FNTB: variants seen among roughly 807,000 people sequenced by gnomAD.
FNTB encodes farnesyltransferase, CAAX box, subunit beta.
In FNTB, 27 loss-of-function variants were observed where a neutral mutation model predicts 59.4. The observed-to-expected ratio is 0.45, with a 90% confidence interval of 0.34 to 0.63. The LOEUF (loss-of-function observed/expected upper bound fraction) is 0.63. Among genes scored for constraint, FNTB ranks in the 20% least tolerant of loss-of-function variants. The pLI is 0.02. For synonymous variants in FNTB, 230 were observed against 220.7 expected (o/e 1.04, Z -0.37); for missense variants, 449 against 559.6 (o/e 0.80, Z 1.99).
chr14:64,989,663 GCTGTGAGTCGT>G (rs1312056953), intron 1 of FNTB, among the ~76,000 whole-genome samples: 2 of 152,180 alleles, frequency 1.3e-5, no homozygotes, highest in African/African-American at 4.8e-5. Context: ...GGAGTCCTTA[GCTGTGAGTCGT>G]CTGTTCCATT....
At chr14:65,034,971 T>C (rs1277026475) in intron 7 of FNTB, among the ~76,000 whole-genome samples, 1 of 152,246 alleles carries the variant, frequency 6.6e-6, no homozygotes, top group Non-Finnish European at 1.5e-5. Context: ...AGACTCAAGC[T>C]ACAAACTGTC....
intron 4 of FNTB, among the ~76,000 whole-genome samples, chr14:65,020,733 C>CTT (rs71123901): frequency 0.23 from 28,485 of 123,202 alleles, 3,861 homozygotes; most frequent in Non-Finnish European, 0.29. Flanking sequence ...CGCGCCCGGC[C>CTT]TTTTTTTTTT....
chr14:65,020,446 T>G (rs1056806739), intron 4 of FNTB, among the ~76,000 whole-genome samples: 3 of 152,012 alleles, frequency 2.0e-5, no homozygotes, highest in Non-Finnish European at 2.9e-5. Context: ...TCTTTTTTTT[T>G]TGAGAGTCTC....
intron 2 of FNTB, among the ~76,000 whole-genome samples, chr14:65,008,993 G>GCA (rs1324867725): frequency 3.9e-5 from 6 of 152,110 alleles, no homozygotes; most frequent in African/African-American, 1.4e-4. Context: ...ATCCCACCCT[G>GCA]CACCCCCTCA....
At chr14:65,050,725 G>T (rs980563569) in intron 9 of FNTB, among the ~76,000 whole-genome samples, 1 of 152,174 alleles carries the variant, frequency 6.6e-6, no homozygotes, top group Non-Finnish European at 1.5e-5. Flanking sequence ...CTGCAGAGCA[G>T]GGCTACTCCA....
rs745937275 is a variant in FNTB at position 65,012,387 on chromosome 14, G to A, written c.280G>A (p.Glu94Lys). The change falls in exon 3 of 12, where the codon GAG (glutamate) becomes AAG (lysine). Residue 94 changes from glutamate to lysine, a missense_variant and splice_region_variant. By Grantham distance (56) the Glu-to-Lys change is moderately conservative. Around this residue, in one of 2 missense-constraint regions of FNTB, gnomAD observed 337 missense variants for 479.1 expected, o/e 0.70. Coordinates refer to ENST00000246166, the MANE Select transcript of FNTB (RefSeq NM_002028.4). The surrounding 1 kb of genome is among the most constrained non-coding windows in gnomAD (Gnocchi z 5.0). Reference sequence around the variant, plus strand: ...CCTTCGACAACTGACAGATGCCTATGAGGTAAACACATTACCCAGGAACTC... The same window carrying A: ...CCTTCGACAACTGACAGATGCCTATAAGGTAAACACATTACCCAGGAACTC... ...RGLRQLTDAY[E>K]CLDASRPWLC... 3 of 1,614,094 alleles carry A rather than the reference G, an allele frequency of 1.9e-6. No individual in the cohort carries two copies. Among genetic ancestry groups the A allele is most frequent in the Admixed American group, 3.3e-5 (2 of 60,030 alleles).
At position 64,994,037 on chromosome 14, in the gene FNTB, T is replaced by G. The variant is rs916405357; in HGVS notation, c.144+6940T>G. Among the ~76,000 whole-genome samples the G allele has an allele frequency of 7.2e-5, 11 of 152,030 alleles. No individual in the cohort carries two copies. Among genetic ancestry groups the G allele is most frequent in the Non-Finnish European group, 1.2e-4 (8 of 68,008 alleles). The stretch of plus-strand genomic sequence containing the variant: ...CACCCGGCTAATTTTTGTATTTTAG[T>G]AGAGGTGGGGTTTTACCATGTTGAC... On this transcript the variant is annotated intron_variant, in intron 1 of 11. Coordinates refer to ENST00000246166, the MANE Select transcript of FNTB (RefSeq NM_002028.4). The surrounding 1 kb of genome is among the most constrained non-coding windows in gnomAD (Gnocchi z 4.2).
rs726668 is a variant in FNTB at position 65,029,098 on chromosome 14, A to G, written c.605+1317A>G. Among the ~76,000 whole-genome samples, 91,261 of 151,986 alleles carry G rather than the reference A, an allele frequency of 0.6. 28,828 individuals carry two copies. The highest frequency in any genetic ancestry group is 0.81 in the African/African-American group (33,500 of 41,452). ...AGTAAGGCAGCTTGGTTCCCCTGCC[A>G]AGCACTGTAGCCATATTCTTCCCTG... is the stretch of plus-strand genomic sequence containing the variant. On this transcript the variant is annotated intron_variant, in intron 6 of 11. Coordinates refer to ENST00000246166, the MANE Select transcript of FNTB (RefSeq NM_002028.4). The surrounding 1 kb of genome is among the most constrained non-coding windows in gnomAD (Gnocchi z 4.7).
In FNTB at chr14:64,986,922, A is replaced by G. The variant is rs1566857805; in HGVS notation, c.-32A>G. The G allele has an allele frequency of 2.5e-6, 4 of 1,613,082 alleles. No individual in the cohort carries two copies. The highest frequency in any genetic ancestry group is 3.4e-6 in the Non-Finnish European group (4 of 1,179,174). On this transcript the variant is annotated 5_prime_UTR_variant, in exon 1 of 12. Transcript: ENST00000246166. ...TGCGCGTTGTTGCTTAACGAAGCAG[A>G]GTCCTACACACTGTCTGCTGCTCTC...
intron 10 of FNTB, among the ~76,000 whole-genome samples, chr14:65,053,625 T>TAAAAAAAAACAAAAAAA (rs201558638): frequency 6.8e-6 from 1 of 146,246 alleles, no homozygotes; most frequent in African/African-American, 2.7e-5. Context: ...CTTCTTTTTT[T>TAAAAAAAAACAAAAAAA]TAAAAAAAAC....
intron 4 of FNTB, among the ~76,000 whole-genome samples, chr14:65,018,587 A>T (rs945452396): frequency 6.6e-6 from 1 of 152,104 alleles, no homozygotes; most frequent in African/African-American, 2.4e-5. Context: ...AGGTCGGCAG[A>T]TCACCTGAGA....
chr14:65,024,103 T>TAA (rs557949276), intron 4 of FNTB, among the ~76,000 whole-genome samples: 31 of 129,684 alleles, frequency 2.4e-4, no homozygotes, highest in Non-Finnish European at 2.6e-4. Flanking sequence ...CTCCATCTCC[T>TAA]AAAAAAAAAA....
chr14:65,033,090 T>C (rs568284991), intron 7 of FNTB, among the ~76,000 whole-genome samples: 28 of 152,264 alleles, frequency 1.8e-4, no homozygotes, highest in Admixed American at 5.2e-4. Flanking sequence ...AGCCAAAAGC[T>C]GAAAGCAGAT....
rs1566865757 is a variant in FNTB, at chr14:65,006,400, CTT to C, written c.209+2088_209+2089del. The C allele has an allele frequency of 3.4e-6, 5 of 1,470,792 alleles. No individual in the cohort carries two copies. In the South Asian group the frequency reaches 5.2e-5, roughly 15 times the overall value. 91.1% of individuals were successfully genotyped at this position (1,470,792 alleles called of 1,614,324 possible). ...GACCTCAATAAAATGAATTATTCCTCTTGTCATGAGATACAGCTAGAGATTAG... is the reference window on the plus strand; with the variant it reads ...GACCTCAATAAAATGAATTATTCCTCGTCATGAGATACAGCTAGAGATTAG... On this transcript the variant is annotated intron_variant, in intron 2 of 11. Transcript: ENST00000246166.
chr14:64,989,248 A>G (rs1351165316), intron 1 of FNTB, among the ~76,000 whole-genome samples: 1 of 150,592 alleles, frequency 6.6e-6, no homozygotes, highest in Non-Finnish European at 1.5e-5. Context: ...CAACTTGGGC[A>G]ACATAGCAAG....
chr14:65,020,836 A>G (rs548278061), intron 4 of FNTB, among the ~76,000 whole-genome samples: 1 of 148,068 alleles, frequency 6.8e-6, no homozygotes, highest in South Asian at 2.1e-4. Context: ...GGTTCAAGTG[A>G]TTCTCCTGCC....
At chr14:65,005,338 C>T (rs1163798117) in intron 2 of FNTB, among the ~76,000 whole-genome samples, 2 of 152,204 alleles carry the variant, frequency 1.3e-5, no homozygotes, top group Non-Finnish European at 2.9e-5. Context: ...CAGTCAGAGT[C>T]TTTTTTTGAA....
At chr14:65,004,553 G>A (rs2061552479) in intron 2 of FNTB, among the ~76,000 whole-genome samples, 1 of 152,204 alleles carries the variant, frequency 6.6e-6, no homozygotes, top group Non-Finnish European at 1.5e-5. Flanking sequence ...TCCCCTCAAT[G>A]CCTCAATTCT....
At position 65,054,350 on chromosome 14, in the gene FNTB, G is replaced by A. The variant is rs541586300; in HGVS notation, c.1068-225G>A. ...GGTTTTGAACTCCTGGCCTCAAACC[G>A]TTCTCTTGCCTCAGCCTCCTGCTTG... On this transcript the variant is annotated intron_variant, in intron 10 of 11. Transcript: ENST00000246166. This position sits in a 1 kb window ranked among gnomAD's most constrained non-coding sequence, Gnocchi z 4.4. Among the ~76,000 whole-genome samples the A allele has an allele frequency of 2.0e-5, 3 of 151,818 alleles. No individual in the cohort carries two copies. The highest frequency in any genetic ancestry group is 2.0e-4 in the East Asian group (1 of 5,064).
Sources: allele counts gnomAD v4.1 joint callset (sites outside exome capture counted in the v4.1 genomes callset), GRCh38; gene constraint gnomAD v4.1.1; regional missense constraint gnomAD v4.1.1; non-coding constraint Gnocchi (gnomAD v3.1); transcripts MANE v1.5; gene names NCBI Gene and HGNC (gene_info 2026-07-23, HGNC 2026-07-21).